CEP89: variants seen among roughly 807,000 people sequenced by gnomAD.
CEP89 encodes the protein centrosomal protein 89, also known as centrosomal protein of 89 kDa.
A neutral mutation model predicts 97.6 loss-of-function variants in CEP89; 95 were observed. The ratio of observed to expected loss-of-function variants is 0.97; its 90% CI spans 0.82 to 1.15. The LOEUF is 1.15. Ranked by LOEUF, CEP89 falls within the 50% of genes most tolerant of loss-of-function variation. CEP89 has a pLI of 0.00. For synonymous variants in CEP89, 354 were observed against 349.1 expected (o/e 1.01, Z -0.16); for missense variants, 869 against 947.7 (o/e 0.92, Z 1.09).
intron 2 of CEP89, among the ~76,000 whole-genome samples, chr19:32,962,022 G>A (rs184142030): frequency 6.7e-6 from 1 of 150,002 alleles, no homozygotes; most frequent in African/African-American, 2.5e-5. Context: ...CCATCAAATG[G>A]TGCTGGAAAA....
At chr19:32,933,339 T>C in intron 8 of CEP89, 112 bp downstream of exon 8, 2 of 848,182 alleles carry the variant, frequency 2.4e-6, no homozygotes, top group East Asian at 4.9e-5. Context: ...AAACCTGAAA[T>C]ATTACAACAT....
At chr19:32,961,027 C>G (rs529239748) in intron 2 of CEP89, among the ~76,000 whole-genome samples, 2 of 152,080 alleles carry the variant, frequency 1.3e-5, no homozygotes, top group African/African-American at 4.8e-5. Flanking sequence ...CTAGTTTCAG[C>G]GGGATACAGT....
chr19:32,971,698 C>A, intron 1 of CEP89, 138 bp downstream of exon 1: 1 of 782,878 alleles, frequency 1.3e-6, no homozygotes, highest in Non-Finnish European at 2.1e-6. Flanking sequence ...AAAATCAAGG[C>A]TTCCTCAACT....
At chr19:32,964,868 A>G (rs1242502605) in intron 2 of CEP89, among the ~76,000 whole-genome samples, 1 of 152,064 alleles carries the variant, frequency 6.6e-6, no homozygotes, top group East Asian at 1.9e-4. Context: ...TTTCTTTTTC[A>G]GGAGCTACCC....
rs1294004861 is a variant in CEP89, at chr19:32,951,530, T to C, written c.492+2085A>G. ...AAAAAATTATATATATATATATATA[T>C]ATATACACACACACACACACACACA... On this transcript the variant is annotated intron_variant, in intron 4 of 18. Coordinates refer to ENST00000305768, the MANE Select transcript of CEP89 (RefSeq NM_032816.5). 3.8e-3 allele frequency among the ~76,000 whole-genome samples: 411 copies of C among 107,416 alleles called. 2 individuals are homozygous for C. Among genetic ancestry groups the C allele is most frequent in the East Asian group, 0.01 (40 of 3,844 alleles). 70.5% of individuals were successfully genotyped at this position (107,416 alleles called of 152,430 possible). A position where few individuals can be genotyped will look rare whatever the true frequency, so the allele number is the denominator to read the frequency against.
chr19:32,935,510 A>G (rs1970560668), intron 7 of CEP89, among the ~76,000 whole-genome samples: 1 of 152,244 alleles, frequency 6.6e-6, no homozygotes, highest in African/African-American at 2.4e-5. Flanking sequence ...GGATGGGCTG[A>G]GCCGCAGGAT....
intron 14 of CEP89, among the ~76,000 whole-genome samples, chr19:32,903,266 G>C (rs1969820380): frequency 6.6e-6 from 1 of 152,102 alleles, no homozygotes; most frequent in East Asian, 1.9e-4. Context: ...GTGTGCACCA[G>C]AATGAAATCT....
chr19:32,890,547 C>T (rs1029219201), intron 16 of CEP89, among the ~76,000 whole-genome samples: 8 of 152,128 alleles, frequency 5.3e-5, no homozygotes, highest in South Asian at 4.1e-4. Flanking sequence ...ACGGAGACCA[C>T]GGGAACTCGA....
At chr19:32,954,511 C>A (rs1299210038) in intron 3 of CEP89, among the ~76,000 whole-genome samples, 1 of 151,590 alleles carries the variant, frequency 6.6e-6, no homozygotes, top group East Asian at 1.9e-4. Flanking sequence ...ACTAACCAAG[C>A]CCAGCTAGTT....
In CEP89 at chr19:32,892,102, ATATATT is replaced by A. The variant is rs1969531743; in HGVS notation, c.1876-4267_1876-4262del. ...AATACAGAATTCTAAATATATATATATATATTTAGACATACATATATTTAGACATAT... is the reference window on the plus strand; with the variant it reads ...AATACAGAATTCTAAATATATATATATAGACATACATATATTTAGACATAT... On this transcript the variant is annotated intron_variant, in intron 16 of 18. Coordinates refer to ENST00000305768, the MANE Select transcript of CEP89 (RefSeq NM_032816.5). Among the ~76,000 whole-genome samples the A allele has an allele frequency of 3.4e-5, 5 of 147,038 alleles. 1 individual carries two copies. The highest frequency in any genetic ancestry group is 1.3e-4 in the African/African-American group (5 of 39,746).
In CEP89 at chr19:32,926,677, T is replaced by G. The variant is rs370705610; in HGVS notation, c.1080+257A>C. On this transcript the variant is annotated intron_variant, in intron 10 of 18. Transcript: ENST00000305768. ...CCCGGGTTCAAGCGATTCTCCTGCC[T>G]CAGCCTCCCAAGTAGCTGGGACTAT... is the stretch of plus-strand genomic sequence containing the variant. Among the ~76,000 whole-genome samples, 523 of 152,308 alleles carry G rather than the reference T, an allele frequency of 3.4e-3. 1 individual carries two copies. Among genetic ancestry groups the G allele is most frequent in the African/African-American group, 0.012 (487 of 41,560 alleles).
rs1028224193 is a variant in CEP89, at chr19:32,971,480, T to A, written c.39+356A>T. On this transcript the variant is annotated intron_variant, in intron 1 of 18. Transcript: ENST00000305768. ...AGACCACCATAGGAACATAGCAAGA[T>A]CCCTGTTTCCACAAAAATATTGAAC... is the stretch of plus-strand genomic sequence containing the variant. The A allele has an allele frequency of 2.7e-5, 15 of 546,530 alleles. No homozygotes were observed. In the African/African-American group the frequency reaches 2.8e-4, roughly 10 times the overall value. The allele number at this position is 546,530 out of a possible 1,614,324, so 33.9% of individuals were successfully genotyped here.
intron 3 of CEP89, among the ~76,000 whole-genome samples, chr19:32,958,787 C>A (rs955033720): frequency 6.6e-6 from 1 of 151,948 alleles, no homozygotes; most frequent in African/African-American, 2.4e-5. Context: ...GAGGCCGAGG[C>A]GGGTGGATCA....
chr19:32,899,281 C>A (rs1262377360), intron 16 of CEP89, among the ~76,000 whole-genome samples: 1 of 151,950 alleles, frequency 6.6e-6, no homozygotes, highest in Non-Finnish European at 1.5e-5. Flanking sequence ...CAGGTGCATG[C>A]CACCATGCCT....
chr19:32,950,800 T>C (rs1970896165), intron 4 of CEP89, among the ~76,000 whole-genome samples: 2 of 152,112 alleles, frequency 1.3e-5, no homozygotes, highest in Non-Finnish European at 2.9e-5. Context: ...ATCAGTAAAA[T>C]GAATAACTGA....
At chr19:32,915,032 G>C (rs1970092008) in intron 14 of CEP89, among the ~76,000 whole-genome samples, 1 of 150,934 alleles carries the variant, frequency 6.6e-6, no homozygotes, top group African/African-American at 2.4e-5. Flanking sequence ...AAAAAAAAAA[G>C]TCCCAGTCTC....
chr19:32,946,570 T>C (rs535773156), intron 5 of CEP89, among the ~76,000 whole-genome samples: 7 of 152,344 alleles, frequency 4.6e-5, no homozygotes, highest in Non-Finnish European at 7.3e-5. Context: ...ATGGTCTGGC[T>C]GTGTCCCCAC....
At chr19:32,952,680 G>A (rs1970947310) in intron 4 of CEP89, among the ~76,000 whole-genome samples, 2 of 151,882 alleles carry the variant, frequency 1.3e-5, no homozygotes, top group Non-Finnish European at 2.9e-5. Context: ...GAGGCAGGCG[G>A]ATCGCTTGAG....
At chr19:32,937,585 T>G (rs560110521) in intron 7 of CEP89, 46 bp downstream of exon 7, 1 of 1,380,268 alleles carries the variant, frequency 7.2e-7, no homozygotes, top group South Asian at 1.2e-5. Context: ...CTGGATATTC[T>G]CCAAAACAAG....
Sources: allele counts gnomAD v4.1 joint callset (sites outside exome capture counted in the v4.1 genomes callset), GRCh38; gene constraint gnomAD v4.1.1; transcripts MANE v1.5; gene names NCBI Gene and HGNC (gene_info 2026-07-23, HGNC 2026-07-21).